Variants in RBFOX1 observed in about 807,000 individuals in gnomAD.
The protein encoded by RBFOX1 is RNA binding fox-1 homolog 1.
In RBFOX1, 8 loss-of-function variants were observed where a neutral mutation model predicts 57.7. That is an observed-to-expected ratio of 0.14 (90% CI 0.08 to 0.25). RBFOX1 has a LOEUF of 0.25. Ranked by LOEUF, RBFOX1 falls within the 10% of genes least tolerant of loss-of-function variation. RBFOX1 has a pLI of 1.00. For missense variants in RBFOX1, 611 were observed against 548.5 expected, an observed-to-expected ratio of 1.11 and a Z score of -1.14; for synonymous variants, 326 against 222.4, an observed-to-expected ratio of 1.47 and a Z score of -4.15.
chr16:6,031,633 GT>G (rs1404892958), intron 1 of RBFOX1, among the ~76,000 whole-genome samples: 1 of 152,222 alleles, frequency 6.6e-6, no homozygotes, highest in African/African-American at 2.4e-5. Flanking sequence ...GCACGTGTGT[GT>G]ATGTATGTAC....
At chr16:5,872,142 G>A (rs768082979) in intron 4 of RBFOX1, among the ~76,000 whole-genome samples, 2 of 152,224 alleles carry the variant, frequency 1.3e-5, no homozygotes, top group Non-Finnish European at 2.9e-5. Flanking sequence ...CAGTGCGTTT[G>A]AGAAAGGGGC....
At chr16:7,707,547 G>A (rs61292481) in intron 14 of RBFOX1, among the ~76,000 whole-genome samples, 5 of 152,140 alleles carry the variant, frequency 3.3e-5, no homozygotes, top group South Asian at 4.2e-4. Context: ...AAACGATGTC[G>A]ATCCCAGTGA....
intron 6 of RBFOX1, among the ~76,000 whole-genome samples, chr16:7,585,563 C>T (rs1339449899): frequency 6.6e-6 from 1 of 152,128 alleles, no homozygotes; most frequent in Non-Finnish European, 1.5e-5. Context: ...CTGTGATTCC[C>T]CCGGCTGTAT....
intron 4 of RBFOX1, among the ~76,000 whole-genome samples, chr16:7,131,154 G>A (rs2070247670): frequency 6.6e-6 from 1 of 151,900 alleles, no homozygotes; most frequent in Admixed American, 6.6e-5. Context: ...AAACAAGCCT[G>A]GTCAACATGG....
chr16:5,598,757 G>T, intron 2 of RBFOX1: 1 of 650,966 alleles, frequency 1.5e-6, no homozygotes, highest in Non-Finnish European at 2.6e-6. Context: ...GACCCCTGCA[G>T]GGGATGGGTG....
intron 1 of RBFOX1, among the ~76,000 whole-genome samples, chr16:5,438,476 T>C (rs935220234): frequency 1.1e-4 from 17 of 152,172 alleles, no homozygotes; most frequent in African/African-American, 4.1e-4. Flanking sequence ...TCTTTGAGCC[T>C]GAAAGGGCCC....
intron 4 of RBFOX1, among the ~76,000 whole-genome samples, chr16:7,410,546 T>C (rs1044262350): frequency 6.6e-6 from 1 of 152,106 alleles, no homozygotes; most frequent in South Asian, 2.1e-4. Flanking sequence ...CTGGGAGTGG[T>C]GGTGCGTGCC....
At chr16:6,081,814 C>G (rs1285480692) in intron 1 of RBFOX1, among the ~76,000 whole-genome samples, 1 of 152,148 alleles carries the variant, frequency 6.6e-6, no homozygotes, top group African/African-American at 2.4e-5. Context: ...TTGGTAGATT[C>G]CAGCTACCTG....
chr16:7,321,968 G>A (rs2096551354), intron 4 of RBFOX1, among the ~76,000 whole-genome samples: 1 of 152,206 alleles, frequency 6.6e-6, no homozygotes, highest in African/African-American at 2.4e-5. Context: ...GCTTGGCACA[G>A]CTTGGTTCTG....
At chr16:7,037,273 C>T (rs7205872) in intron 3 of RBFOX1, among the ~76,000 whole-genome samples, 4,766 of 79,130 alleles carry the variant, frequency 0.06, 287 homozygotes, top group African/African-American at 0.21. Flanking sequence ...GAGTTTTGCT[C>T]TTGTTGCCCA....
intron 3 of RBFOX1, among the ~76,000 whole-genome samples, chr16:5,775,784 G>T (rs2054127602): frequency 6.6e-6 from 1 of 152,218 alleles, no homozygotes; most frequent in African/African-American, 2.4e-5. Context: ...TCAAGAACAA[G>T]GAGCTAGCAA....
intron 1 of RBFOX1, among the ~76,000 whole-genome samples, chr16:5,453,090 T>A (rs764881908): frequency 6.6e-6 from 1 of 152,174 alleles, no homozygotes; most frequent in Admixed American, 6.5e-5. Context: ...CCTCCTCTAA[T>A]CTTTTCAGTC....
At chr16:5,704,761 G>A (rs978554895) in intron 3 of RBFOX1, among the ~76,000 whole-genome samples, 22 of 152,134 alleles carry the variant, frequency 1.4e-4, no homozygotes, top group African/African-American at 4.6e-4. Context: ...GCTTGGCCGG[G>A]TTACTATGTG....
intron 2 of RBFOX1, among the ~76,000 whole-genome samples, chr16:5,557,259 CAATAAATAAATAAATAAATAAATA>C (rs201351265): frequency 0.034 from 4,864 of 143,534 alleles, 120 homozygotes; most frequent in Non-Finnish European, 0.051. Context: ...GACTCCATCT[CAATAAATAAATAAATAAATAAATA>C]AATAAATAAA....
At chr16:6,245,250 AT>A (rs1197269576) in intron 1 of RBFOX1, among the ~76,000 whole-genome samples, 3 of 151,908 alleles carry the variant, frequency 2.0e-5, no homozygotes, top group East Asian at 1.9e-4. Flanking sequence ...ATGGCTTTAA[AT>A]TTTTTTTCTT....
chr16:7,461,850 C>T (rs766786791), intron 4 of RBFOX1, among the ~76,000 whole-genome samples: 1 of 152,110 alleles, frequency 6.6e-6, no homozygotes, highest in Non-Finnish European at 1.5e-5. Context: ...GGGGCACAGG[C>T]ATTTTGCAGT....
intron 2 of RBFOX1, among the ~76,000 whole-genome samples, chr16:6,378,061 C>T (rs1022302859): frequency 5.9e-5 from 9 of 152,138 alleles, no homozygotes; most frequent in African/African-American, 1.9e-4. Context: ...CTGGATAGGC[C>T]GTGTATGTTT....
chr16:6,182,375 T>A (rs1321042354), intron 1 of RBFOX1, among the ~76,000 whole-genome samples: 2 of 152,210 alleles, frequency 1.3e-5, no homozygotes, highest in Admixed American at 1.3e-4. Context: ...CACTTTAGAA[T>A]AAGAATCATT....
At chr16:5,545,315 G>C (rs78430260) in intron 2 of RBFOX1, among the ~76,000 whole-genome samples, 7,738 of 151,872 alleles carry the variant, frequency 0.051, 210 homozygotes, top group East Asian at 0.1. Context: ...AATAATATCA[G>C]TTCTATACAA....
Sources: allele counts gnomAD v4.1 joint callset (sites outside exome capture counted in the v4.1 genomes callset), GRCh38; gene constraint gnomAD v4.1.1; transcripts MANE v1.5; gene names NCBI Gene and HGNC (gene_info 2026-07-23, HGNC 2026-07-21).